The following HMGN3 variants were observed in gnomAD, a reference collection of about 807,000 sequenced individuals.
HMGN3 encodes high mobility group nucleosome-binding domain-containing protein 3.
In HMGN3, 6 loss-of-function variants were observed where a neutral mutation model predicts 18.8. The observed-to-expected ratio is 0.32, with a 90% CI of 0.18 to 0.63. HMGN3 has a LOEUF of 0.63. HMGN3 is among the 30% of genes least tolerant of loss of function. The probability of loss-of-function intolerance (pLI) is 0.79; values close to 1 mark genes in which losing one functional copy is unlikely to be tolerated. For synonymous variants in HMGN3, 40 were observed against 36.5 expected, an observed-to-expected ratio of 1.10 and a Z score of -0.35; for missense variants, 107 against 114.2, an observed-to-expected ratio of 0.94 and a Z score of 0.29.
At chr6:79,211,205 A>G (rs1346632111) in intron 2 of HMGN3, among the ~76,000 whole-genome samples, 1 of 152,142 alleles carries the variant, frequency 6.6e-6, no homozygotes, top group African/African-American at 2.4e-5. Flanking sequence ...TTTTCACTGC[A>G]AACAGTGGAG....
At chr6:79,226,867 A>G (rs1777588780) in intron 1 of HMGN3, among the ~76,000 whole-genome samples, 1 of 152,188 alleles carries the variant, frequency 6.6e-6, no homozygotes, top group South Asian at 2.1e-4. Flanking sequence ...CCCACAGGGT[A>G]GAAGAATACT....
intron 3 of HMGN3, among the ~76,000 whole-genome samples, chr6:79,205,546 C>A (rs777888424): frequency 3.3e-5 from 5 of 152,250 alleles, no homozygotes; most frequent in South Asian, 2.1e-4. Context: ...CCTTCCCCAG[C>A]CACATGGAAC....
chr6:79,208,074 G>A (rs1435872904), intron 3 of HMGN3, among the ~76,000 whole-genome samples: 1 of 152,010 alleles, frequency 6.6e-6, no homozygotes, highest in Non-Finnish European at 1.5e-5. Context: ...CACAGAAGGA[G>A]ACACCAAATA....
chr6:79,205,936 C>G (rs1157404735), intron 3 of HMGN3, among the ~76,000 whole-genome samples: 1 of 152,118 alleles, frequency 6.6e-6, no homozygotes, highest in East Asian at 1.9e-4. Context: ...AAAGGTGACT[C>G]TTGTTACGTT....
At chr6:79,204,499 A>G (rs1323488406) in intron 3 of HMGN3, among the ~76,000 whole-genome samples, 1 of 152,116 alleles carries the variant, frequency 6.6e-6, no homozygotes, top group Non-Finnish European at 1.5e-5. Flanking sequence ...AAAGATAACC[A>G]TTTTACACCA....
chr6:79,227,437 T>C (rs1019589326), intron 1 of HMGN3, among the ~76,000 whole-genome samples: 4 of 152,198 alleles, frequency 2.6e-5, no homozygotes, highest in African/African-American at 4.8e-5. Flanking sequence ...GCACCATTTA[T>C]CATCCCACAA....
At chr6:79,231,790 C>T (rs981653203) in intron 1 of HMGN3, among the ~76,000 whole-genome samples, 4 of 152,164 alleles carry the variant, frequency 2.6e-5, no homozygotes, top group South Asian at 2.1e-4. Flanking sequence ...CTTATCTGTC[C>T]TACTGCTTGT....
chr6:79,226,413 T>C (rs1777570179), intron 1 of HMGN3, among the ~76,000 whole-genome samples: 1 of 152,192 alleles, frequency 6.6e-6, no homozygotes. Context: ...ATTAATATTA[T>C]TAATGCAAAG....
chr6:79,218,099 G>A (rs191068071), intron 1 of HMGN3, among the ~76,000 whole-genome samples: 50 of 152,254 alleles, frequency 3.3e-4, no homozygotes, highest in African/African-American at 1.1e-3. Context: ...TTTTGTTGTT[G>A]GTTTCTCATG....
chr6:79,201,711 A>T, exon 6 of HMGN3: 1 of 1,603,380 alleles, frequency 6.2e-7, no homozygotes, highest in Non-Finnish European at 8.5e-7. Context: ...TTATCTACAG[A>T]TTCAGTTTTC....
intron 3 of HMGN3, among the ~76,000 whole-genome samples, chr6:79,206,553 A>G (rs1442631569): frequency 6.6e-6 from 1 of 152,222 alleles, no homozygotes; most frequent in East Asian, 1.9e-4. Context: ...TAGATTTCAG[A>G]AGACGTATGG....
intron 2 of HMGN3, among the ~76,000 whole-genome samples, chr6:79,212,064 A>G (rs545768895): frequency 2.7e-5 from 4 of 149,532 alleles, no homozygotes; most frequent in Admixed American, 2.0e-4. Flanking sequence ...AAAAATGCCT[A>G]AAAAGAAATT....
chr6:79,207,031 A>G (rs573664821), intron 3 of HMGN3, among the ~76,000 whole-genome samples: 1 of 152,306 alleles, frequency 6.6e-6, no homozygotes, highest in Non-Finnish European at 1.5e-5. Context: ...GTATTTACCC[A>G]ATATCTGTAT....
chr6:79,234,642 C>T lies in HMGN3; in HGVS notation c.-82G>A, dbSNP rs542031569. On this transcript the variant is annotated 5_prime_UTR_variant, in exon 1 of 6. Coordinates refer to ENST00000344726, the Ensembl canonical transcript of HMGN3. The stretch of plus-strand genomic sequence containing the variant: ...CCGCTGGATGCTGCCTCTGCCTCTG[C>T]AGCTGCTCACGCGCAGGGCACGACG... The T allele has an allele frequency of 1.0e-5, 14 of 1,372,278 alleles. No individual in the cohort carries two copies. In the South Asian group the frequency reaches 1.5e-4, roughly 15 times the overall value. The allele number at this position is 1,372,278 out of a possible 1,614,324, so 85.0% of individuals were successfully genotyped here. A position where few individuals can be genotyped will look rare whatever the true frequency, so the allele number is the denominator to read the frequency against.
At chr6:79,226,308 G>A (rs1056985773) in intron 1 of HMGN3, among the ~76,000 whole-genome samples, 3 of 152,200 alleles carry the variant, frequency 2.0e-5, no homozygotes, top group Admixed American at 6.5e-5. Context: ...TATCACAGGT[G>A]CTGTGGGGAA....
At chr6:79,220,486 A>G (rs981465974) in intron 1 of HMGN3, among the ~76,000 whole-genome samples, 1 of 152,142 alleles carries the variant, frequency 6.6e-6, no homozygotes, top group South Asian at 2.1e-4. Context: ...TCACTCTGTC[A>G]CCCAGGCTGG....
chr6:79,207,583 A>G (rs1450416878), intron 3 of HMGN3, among the ~76,000 whole-genome samples: 1 of 152,202 alleles, frequency 6.6e-6, no homozygotes, highest in Non-Finnish European at 1.5e-5. Context: ...CTTTATCAGC[A>G]GTGAGTGTGA....
intron 3 of HMGN3, among the ~76,000 whole-genome samples, chr6:79,206,147 T>G (rs1349432925): frequency 6.6e-6 from 1 of 152,150 alleles, no homozygotes; most frequent in Non-Finnish European, 1.5e-5. Flanking sequence ...AGCCTGGCAA[T>G]GCGAAAGAAA....
chr6:79,221,437 A>G (rs1233496875), intron 1 of HMGN3, among the ~76,000 whole-genome samples: 1 of 152,250 alleles, frequency 6.6e-6, no homozygotes. Flanking sequence ...TGAAGGGATC[A>G]GAACTGTATT....
Sources: gnomAD v4.1 joint callset for allele counts (sites outside exome capture counted in the v4.1 genomes callset) on GRCh38, gnomAD v4.1.1 for gene constraint, MANE v1.5 for transcripts, NCBI Gene and HGNC (gene_info 2026-07-23, HGNC 2026-07-21) for gene names.